The following AK7 variants were observed in gnomAD, a reference collection of about 807,000 sequenced individuals.
The protein encoded by AK7 is adenylate kinase 7.
A neutral mutation model predicts 96.6 loss-of-function variants in AK7; 78 were observed. That is an observed-to-expected ratio of 0.81 (90% CI 0.67 to 0.97). The LOEUF is 0.97. Among genes scored for constraint, AK7 ranks in the 50% least tolerant of loss-of-function variants. The probability of loss-of-function intolerance (pLI) is 0.00; values close to 1 mark genes in which losing one functional copy is unlikely to be tolerated. For missense variants in AK7, 855 were observed against 887.9 expected, an observed-to-expected ratio of 0.96 and a Z score of 0.47; for synonymous variants, 302 against 317.2, an observed-to-expected ratio of 0.95 and a Z score of 0.51.
Position 96,456,381 on chromosome 14 carries a change from T to C in AK7, c.1133T>C (p.Val378Ala), listed in dbSNP as rs1455606753. ...ATCTGCATTCTTGGTCCCCCTGCTG[T>C]GGGAAAATCCAGTATTGCTAAAGAA... ...IKICILGPPAVGKSSIAKELA... is the reference protein window; with the variant it reads ...IKICILGPPAAGKSSIAKELA... Residue 378 changes from valine (V) to alanine (A), a missense_variant, in exon 11 of 18, where the codon GTG (valine) becomes GCG (alanine). Transcript: ENST00000267584. 2 of 1,613,832 alleles carry C rather than the reference T, an allele frequency of 1.2e-6. No homozygotes were observed. Among genetic ancestry groups the C allele is most frequent in the East Asian group, 4.5e-5 (2 of 44,874 alleles).
rs532477938 is a variant in AK7, at chr14:96,450,244, C to T, written c.948+365C>T. On this transcript the variant is annotated intron_variant, in intron 9 of 17. Coordinates refer to ENST00000267584, the MANE Select transcript of AK7 (RefSeq NM_152327.5). ...CCAGCGTGACCAACCGGGTGAAACC[C>T]TGTCTCTACTAAAAATACAAAATTA... Among the ~76,000 whole-genome samples, 15 of 152,026 alleles carry T rather than the reference C, an allele frequency of 9.9e-5. No homozygotes were observed. The East Asian group carries it at 2.1e-3, about 22-fold the overall frequency.
intron 4 of AK7, among the ~76,000 whole-genome samples, chr14:96,416,129 A>G (rs944639342): frequency 6.6e-6 from 1 of 152,194 alleles, no homozygotes; most frequent in African/African-American, 2.4e-5. Flanking sequence ...CATGCCTGTA[A>G]TCCTAGCACA....
At position 96,451,468 on chromosome 14, in the gene AK7, C is replaced by G. The variant is rs750637067; in HGVS notation, c.996C>G (p.Leu332=). Residue 332 remains leucine (L), a synonymous_variant, in exon 10 of 18, where the codon CTC becomes CTG. Coordinates refer to ENST00000267584, the MANE Select transcript of AK7 (RefSeq NM_152327.5). ...HLLVNLRMEA[L]FVKENFNIRW... is the part of the protein sequence containing the mutation. ...TGGTCAACTTAAGAATGGAAGCGCT[C>G]TTTGTGAAGGAGAATTTTAATATTC... 7 of 1,597,326 alleles carry G rather than the reference C, an allele frequency of 4.4e-6. No homozygotes were observed. In the East Asian group the frequency reaches 1.6e-4, roughly 36 times the overall value.
chr14:96,451,984 T>C (rs944453298), intron 10 of AK7, among the ~76,000 whole-genome samples: 1 of 152,184 alleles, frequency 6.6e-6, no homozygotes, highest in African/African-American at 2.4e-5. Context: ...GGCTGGCTTG[T>C]TTCAGTCCTG....
chr14:96,427,259 A>G (rs961576095), intron 5 of AK7, among the ~76,000 whole-genome samples: 1 of 152,200 alleles, frequency 6.6e-6, no homozygotes, highest in Non-Finnish European at 1.5e-5. Flanking sequence ...AACAAACAAA[A>G]AAAAATTGGT....
chr14:96,412,593 T>A (rs536807557), intron 4 of AK7, among the ~76,000 whole-genome samples: 14 of 148,358 alleles, frequency 9.4e-5, no homozygotes, highest in African/African-American at 3.0e-4. Flanking sequence ...TTTGAGACAG[T>A]CTTGCTATGT....
At chr14:96,485,693 T>C (rs1346659667) in intron 16 of AK7, among the ~76,000 whole-genome samples, 1 of 152,236 alleles carries the variant, frequency 6.6e-6, no homozygotes, top group East Asian at 1.9e-4. Flanking sequence ...AAAAGTTTCA[T>C]GTTTATATGT....
At chr14:96,440,702 A>G (rs1041795205) in intron 6 of AK7, among the ~76,000 whole-genome samples, 1 of 152,214 alleles carries the variant, frequency 6.6e-6, no homozygotes, top group African/African-American at 2.4e-5. Flanking sequence ...CAAACCAAAA[A>G]GTTTCTGAGA....
rs867895466 is a variant in AK7 at position 96,425,552 on chromosome 14, G to A, written c.609+4620G>A. Reference sequence around the variant, plus strand: ...GGCTGGAGTGCAGTGGCATGATCTCGGGTCACTGCAACCCCTGCCTCCCAA... The same window carrying A: ...GGCTGGAGTGCAGTGGCATGATCTCAGGTCACTGCAACCCCTGCCTCCCAA... On this transcript the variant is annotated intron_variant, in intron 5 of 17. Transcript: ENST00000267584. 4.4e-5 allele frequency among the ~76,000 whole-genome samples: 6 copies of A among 135,864 alleles called. No homozygotes were observed. In the South Asian group the frequency reaches 9.1e-4, roughly 21 times the overall value. The allele number at this position is 135,864 out of a possible 152,430, so 89.1% of individuals were successfully genotyped here.
At chr14:96,461,777 G>A (rs535842377) in intron 12 of AK7, among the ~76,000 whole-genome samples, 153 of 152,060 alleles carry the variant, frequency 1.0e-3, no homozygotes, top group Admixed American at 2.1e-3. Flanking sequence ...GTAGAGACGG[G>A]GTTTCGCCAT....
In AK7 at chr14:96,461,076, G is replaced by T. The variant is rs74090313; in HGVS notation, c.1357+2864G>T. On this transcript the variant is annotated intron_variant, in intron 12 of 17. Transcript: ENST00000267584. ...AGAATTCCAGAGAGATTTCCCAGAG[G>T]GGAAAGGAGTGCCCAGATGAATGCT... Among the ~76,000 whole-genome samples the T allele has an allele frequency of 1.9e-3, 288 of 152,336 alleles. 2 individuals carry two copies. The highest frequency in any genetic ancestry group is 6.4e-3 in the African/African-American group (267 of 41,574).
At chr14:96,478,749 G>A in intron 15 of AK7, 87 bp downstream of exon 15, 3 of 1,326,276 alleles carry the variant, frequency 2.3e-6, no homozygotes, top group Non-Finnish European at 3.1e-6. Context: ...GGGGCTGGGG[G>A]GAGGGTGGGG....
At chr14:96,451,382 C>T (rs374976503) in intron 9 of AK7, 39 bp from the exon 10 acceptor site, 39 of 1,494,384 alleles carry the variant, frequency 2.6e-5, no homozygotes, top group Non-Finnish European at 3.5e-5. Flanking sequence ...CAGAATTAAA[C>T]AAAAAAAGAC....
At chr14:96,457,629 G>T (rs1394035244) in intron 11 of AK7, among the ~76,000 whole-genome samples, 1 of 151,994 alleles carries the variant, frequency 6.6e-6, no homozygotes, top group Non-Finnish European at 1.5e-5. Context: ...CTGTTGCCTG[G>T]AACGCTTGTA....
At chr14:96,459,579 G>C (rs538152209) in intron 12 of AK7, among the ~76,000 whole-genome samples, 1 of 152,194 alleles carries the variant, frequency 6.6e-6, no homozygotes, top group South Asian at 2.1e-4. Context: ...AATGGATGAG[G>C]CCGGGCACGG....
intron 16 of AK7, among the ~76,000 whole-genome samples, chr14:96,485,152 A>G (rs145540656): frequency 2.6e-5 from 4 of 152,242 alleles, no homozygotes; most frequent in Admixed American, 6.5e-5. Flanking sequence ...TGCTTTCTCA[A>G]TTTTACTCGC....
chr14:96,480,292 C>T (rs760288369), intron 15 of AK7, among the ~76,000 whole-genome samples: 6 of 151,968 alleles, frequency 3.9e-5, no homozygotes, highest in Non-Finnish European at 8.8e-5. Context: ...ATTAGCTGGG[C>T]GTGGTGGTGT....
At chr14:96,421,203 T>G (rs1025402047) in intron 5 of AK7, among the ~76,000 whole-genome samples, 1 of 152,134 alleles carries the variant, frequency 6.6e-6, no homozygotes, top group Admixed American at 6.6e-5. Context: ...AGAGTTGTAA[T>G]GGGGAACAGG....
intron 8 of AK7, among the ~76,000 whole-genome samples, chr14:96,449,106 G>A (rs1023716142): frequency 6.6e-6 from 1 of 152,094 alleles, no homozygotes; most frequent in Non-Finnish European, 1.5e-5. Context: ...CCTTTTATAA[G>A]ACACTAATCT....
Sources: gnomAD v4.1 joint callset for allele counts (sites outside exome capture counted in the v4.1 genomes callset) on GRCh38, gnomAD v4.1.1 for gene constraint, MANE v1.5 for transcripts, NCBI Gene and HGNC (gene_info 2026-07-23, HGNC 2026-07-21) for gene names.